Variants in MCTP2 observed in about 807,000 individuals in gnomAD.
MCTP2 encodes multiple C2 and transmembrane domain containing 2.
Under a neutral mutation model 111.6 loss-of-function variants are expected in MCTP2, and 132 were observed. The ratio of observed to expected loss-of-function variants is 1.18; its 90% CI spans 1.03 to 1.37. The LOEUF (loss-of-function observed/expected upper bound fraction) is 1.37, where lower values mean the gene tolerates loss of function less well. MCTP2 is among the 40% of genes most tolerant of loss of function. The pLI, the probability that MCTP2 is intolerant of heterozygous loss-of-function variation, is 0.00. For synonymous variants in MCTP2, 395 were observed against 387.7 expected (o/e 1.02, Z -0.22); for missense variants, 1,183 against 1,067.9 (o/e 1.11, Z -1.50).
At chr15:94,319,576 G>T (rs12440947) in intron 4 of MCTP2, among the ~76,000 whole-genome samples, 95,794 of 152,032 alleles carry the variant, frequency 0.63, 30,572 homozygotes, top group Non-Finnish European at 0.68. Context: ...AACCACACTT[G>T]GAGAACCTTT....
intron 1 of MCTP2, among the ~76,000 whole-genome samples, chr15:94,256,438 A>G (rs146129018): frequency 1.6e-4 from 25 of 152,318 alleles, no homozygotes; most frequent in African/African-American, 5.3e-4. Flanking sequence ...TGTCTGTTGG[A>G]TGAATAACAA....
At chr15:94,404,162 T>C (rs1596602496) in intron 17 of MCTP2, among the ~76,000 whole-genome samples, 1 of 152,178 alleles carries the variant, frequency 6.6e-6, no homozygotes, top group African/African-American at 2.4e-5. Flanking sequence ...TGATGAAGTG[T>C]AATTTTATTA....
Position 94,298,953 on chromosome 15 carries a change from CCCTCTCTCCCT to C in MCTP2, c.465+225_465+235del, listed in dbSNP as rs1390980059. Among the ~76,000 whole-genome samples the C allele has an allele frequency of 5.5e-3, 79 of 14,328 alleles. 4 individuals are homozygous for C. The highest frequency in any genetic ancestry group is 0.045 in the African/African-American group (77 of 1,718). The allele number at this position is 14,328 out of a possible 152,430, so 9.4% of individuals were successfully genotyped here. A position where few individuals can be genotyped will look rare whatever the true frequency, so the allele number is the denominator to read the frequency against. On this transcript the variant is annotated intron_variant, in intron 2 of 22. Transcript: ENST00000357742. ...TTTCCCTCTCCCTCTCTCCCTCTCTCCCTCTCTCCCTCTCTCCCTCTCCCTCTCCCTCTCCC... is the reference window on the plus strand; with the variant it reads ...TTTCCCTCTCCCTCTCTCCCTCTCTCCTCTCCCTCTCCCTCTCCCTCTCCC...
At position 94,390,113 on chromosome 15, in the gene MCTP2, T is replaced by TATATATAC. The variant is rs1567603520; in HGVS notation, c.1788+4588_1788+4589insATATATAC. Among the ~76,000 whole-genome samples the TATATATAC allele has an allele frequency of 5.1e-3, 233 of 45,932 alleles. 6 individuals carry two copies. The highest frequency in any genetic ancestry group is 0.016 in the Middle Eastern group (1 of 64). The allele number at this position is 45,932 out of a possible 152,430, so 30.1% of individuals were successfully genotyped here. On this transcript the variant is annotated intron_variant, in intron 14 of 22. Transcript: ENST00000357742. Reference sequence around the variant, plus strand: ...ATGTATATATATATATATATATATATGTATATATATATATATATACTTAGA... The same window carrying TATATATAC: ...ATGTATATATATATATATATATATATATATATACGTATATATATATATATATACTTAGA...
At chr15:94,386,469 G>A (rs2080480918) in intron 14 of MCTP2, among the ~76,000 whole-genome samples, 1 of 152,122 alleles carries the variant, frequency 6.6e-6, no homozygotes, top group African/African-American at 2.4e-5. Flanking sequence ...CTTTTCTTCT[G>A]TGTTTGTGCA....
At chr15:94,348,141 C>T (rs12911722) in intron 8 of MCTP2, among the ~76,000 whole-genome samples, 68,531 of 151,492 alleles carry the variant, frequency 0.45, 15,698 homozygotes, top group African/African-American at 0.51. Context: ...TTTTTCTGTA[C>T]GAAATTAATT....
chr15:94,254,813 T>A (rs1467095822), intron 1 of MCTP2, among the ~76,000 whole-genome samples: 1 of 152,240 alleles, frequency 6.6e-6, no homozygotes, highest in Non-Finnish European at 1.5e-5. Flanking sequence ...GATTACAACC[T>A]TAAATGATTG....
intron 17 of MCTP2, among the ~76,000 whole-genome samples, chr15:94,411,610 C>G (rs997626409): frequency 6.6e-6 from 1 of 152,082 alleles, no homozygotes; most frequent in Non-Finnish European, 1.5e-5. Flanking sequence ...TGTACTTTTG[C>G]CATTTGATTT....
chr15:94,301,993 G>A (rs1354649170), intron 2 of MCTP2, among the ~76,000 whole-genome samples: 2 of 147,010 alleles, frequency 1.4e-5, no homozygotes, highest in East Asian at 1.9e-4. Context: ...AAGAAATGAA[G>A]AAGAAGGAAG....
chr15:94,238,684 C>T (rs946329311), intron 1 of MCTP2, among the ~76,000 whole-genome samples: 2 of 152,046 alleles, frequency 1.3e-5, no homozygotes, highest in Admixed American at 1.3e-4. Context: ...GCGTGCTGTT[C>T]GTTAAGGGTG....
Position 94,241,929 on chromosome 15 carries a change from A to G in MCTP2, c.-66+10265A>G, listed in dbSNP as rs147017165. Among the ~76,000 whole-genome samples the G allele has an allele frequency of 4.5e-3, 688 of 152,294 alleles. 5 individuals carry two copies. The highest frequency in any genetic ancestry group is 0.016 in the African/African-American group (673 of 41,552). ...TTGTTTAATATTTCATAGTTTTTTA[A>G]AAGTCTGGCATTTATTATTAGATTT... On this transcript the variant is annotated intron_variant, in intron 1 of 22. Coordinates refer to ENST00000357742, the MANE Select transcript of MCTP2 (RefSeq NM_001385001.1).
At chr15:94,374,930 T>C (rs2152443498) in intron 12 of MCTP2, among the ~76,000 whole-genome samples, 1 of 152,342 alleles carries the variant, frequency 6.6e-6, no homozygotes, top group South Asian at 2.1e-4. Context: ...TAGGCTTCAA[T>C]ATCCTCTCTT....
intron 4 of MCTP2, among the ~76,000 whole-genome samples, chr15:94,316,885 A>C (rs576028625): frequency 6.6e-6 from 1 of 151,756 alleles, no homozygotes; most frequent in African/African-American, 2.4e-5. Context: ...CTTCCTCTCT[A>C]TTCTGTTTTG....
rs767303494 is a variant in MCTP2, at chr15:94,298,235, G to C, written c.-31G>C. ...CAGTTTTCAGTAGAGGTGTACTTCT[G>C]AGAAGTGGCTTCTTGGGTCTTCATG... On this transcript the variant is annotated 5_prime_UTR_variant, in exon 2 of 23. Transcript: ENST00000357742. 1 of 1,544,796 alleles carries C rather than the reference G, an allele frequency of 6.5e-7. No individual in the cohort carries two copies. Among genetic ancestry groups the C allele is most frequent in the Non-Finnish European group, 8.7e-7 (1 of 1,143,750 alleles).
chr15:94,476,190 C>T (rs979943977), intron 21 of MCTP2, among the ~76,000 whole-genome samples: 7 of 152,112 alleles, frequency 4.6e-5, no homozygotes, highest in East Asian at 1.9e-4. Flanking sequence ...AAACAACTCC[C>T]GCCCTCTACC....
intron 1 of MCTP2, among the ~76,000 whole-genome samples, chr15:94,285,408 C>A (rs994834280): frequency 6.6e-6 from 1 of 152,224 alleles, no homozygotes; most frequent in Non-Finnish European, 1.5e-5. Flanking sequence ...GGTGGGGAAT[C>A]TCCCAAAATC....
intron 1 of MCTP2, chr15:94,231,998 C>T (rs553968928): frequency 1.3e-4 from 20 of 152,364 alleles, no homozygotes; most frequent in African/African-American, 3.8e-4. Context: ...AGGACTCCTT[C>T]CACAGAGGTC....
Position 94,476,605 on chromosome 15 carries a change from CAGATAGATAGATAGATAGATAGATAGAT to C in MCTP2, c.2471-71_2471-44del, listed in dbSNP as rs10574224. On this transcript the variant is annotated intron_variant, in intron 21 of 22. Coordinates refer to ENST00000357742, the MANE Select transcript of MCTP2 (RefSeq NM_001385001.1). ...GCTAGATAGATAGATGATTGACTGA[CAGATAGATAGATAGATAGATAGATAGAT>C]AGATAGATAGATAGATAGACAGACA... 19 of 637,606 alleles carry C rather than the reference CAGATAGATAGATAGATAGATAGATAGAT, an allele frequency of 3.0e-5. 1 individual carries two copies. Among genetic ancestry groups the C allele is most frequent in the Admixed American group, 1.6e-4 (6 of 37,758 alleles). The allele number at this position is 637,606 out of a possible 1,614,324, so 39.5% of individuals were successfully genotyped here.
At chr15:94,476,448 A>C (rs2074358095) in intron 21 of MCTP2, 1 of 272,996 alleles carries the variant, frequency 3.7e-6, no homozygotes, top group Non-Finnish European at 6.9e-6. Context: ...TGCCTTCAGG[A>C]AAAGGCATTT....
Sources: allele counts gnomAD v4.1 joint callset (sites outside exome capture counted in the v4.1 genomes callset), GRCh38; gene constraint gnomAD v4.1.1; transcripts MANE v1.5; gene names NCBI Gene and HGNC (gene_info 2026-07-23, HGNC 2026-07-21).